RNF114: variants seen among roughly 807,000 people sequenced by gnomAD.
The protein encoded by RNF114 is E3 ubiquitin-protein ligase RNF114.
RNF114 carries 6 observed loss-of-function variants against 28.4 expected under a neutral mutation model. The observed-to-expected ratio is 0.21, with a 90% CI of 0.12 to 0.42. RNF114 has a LOEUF of 0.42. Ranked by LOEUF, RNF114 falls within the 10% of genes least tolerant of loss-of-function variation. The pLI, the probability that RNF114 is intolerant of heterozygous loss-of-function variation, is 1.00. For synonymous variants in RNF114, 115 were observed against 116.7 expected, an observed-to-expected ratio of 0.99 and a Z score of 0.09; for missense variants, 249 against 311.7, an observed-to-expected ratio of 0.80 and a Z score of 1.51.
chr20:49,941,332 A>G (rs974404303), intron 1 of RNF114: 1 of 460,912 alleles, frequency 2.2e-6, no homozygotes, highest in Non-Finnish European at 3.8e-6. Context: ...TAACACCTTC[A>G]CTGTGTCTAT....
chr20:49,945,832 A>T (rs2090328524), intron 3 of RNF114, among the ~76,000 whole-genome samples: 1 of 152,034 alleles, frequency 6.6e-6, no homozygotes, highest in African/African-American at 2.4e-5. Context: ...TGCCTGGCTA[A>T]ATTTTGTATT....
At chr20:49,947,768 AGTTTTTTTTTTTTT>A (rs2090338748) in intron 4 of RNF114, among the ~76,000 whole-genome samples, 2 of 80,070 alleles carry the variant, frequency 2.5e-5, no homozygotes, top group South Asian at 7.9e-4. Flanking sequence ...TCCCTCTGCA[AGTTTTTTTTTTTTT>A]TTTTTTTTTT....
intron 5 of RNF114, among the ~76,000 whole-genome samples, chr20:49,950,615 G>A (rs528761201): frequency 1.3e-5 from 2 of 150,236 alleles, no homozygotes; most frequent in East Asian, 2.0e-4. Context: ...CCCAAGAGAC[G>A]GAGGTTGCAG....
rs747017988 is a variant in RNF114, at chr20:49,946,226, C to A, written c.489C>A (p.Phe163Leu). 6.3e-7 allele frequency: 1 copy of A among 1,595,436 alleles called. No individual in the cohort carries two copies. Among genetic ancestry groups the A allele is most frequent in the South Asian group, 1.1e-5 (1 of 88,980 alleles). The change falls in exon 4 of 6, where the codon TTC becomes TTA. Residue 163 changes from phenylalanine to leucine, a missense_variant. Around this residue, in one of 2 missense-constraint regions of RNF114, gnomAD observed 126 missense variants for 205.3 expected, o/e 0.61. Transcript: ENST00000244061. ...GACTTGTGGAACACTGCAAATTATTCCATAGCACGGATACCAAATCTGTGG... is the reference window on the plus strand; with the variant it reads ...GACTTGTGGAACACTGCAAATTATTACATAGCACGGATACCAAATCTGTGG... ...QEGLVEHCKL[F>L]HSTDTKSVVC...
At chr20:49,945,629 G>A (rs554043010) in intron 3 of RNF114, 141 bp downstream of exon 3, 310 of 599,742 alleles carry the variant, frequency 5.2e-4, no homozygotes, top group African/African-American at 5.0e-3. Context: ...ATGCAAGGGA[G>A]GACTCTGGTG....
At chr20:49,936,587 T>TA in intron 1 of RNF114, 35 bp downstream of exon 1, 8 of 1,571,246 alleles carry the variant, frequency 5.1e-6, no homozygotes, top group Non-Finnish European at 6.9e-6. Context: ...CGGGGGGCGC[T>TA]TAACTGGGAA....
chr20:49,945,009 A>G (rs2090324012), intron 2 of RNF114: 1 of 164,532 alleles, frequency 6.1e-6, no homozygotes, highest in African/African-American at 2.4e-5. Context: ...TCTGCTGCAC[A>G]TAACAGAATG....
At chr20:49,937,789 G>A (rs1006877394) in intron 1 of RNF114, among the ~76,000 whole-genome samples, 1 of 151,912 alleles carries the variant, frequency 6.6e-6, no homozygotes, top group Non-Finnish European at 1.5e-5. Flanking sequence ...TCCTTTCTGG[G>A]ACTTAACTTC....
intron 2 of RNF114, 141 bp downstream of exon 2, chr20:49,941,852 G>T: frequency 2.5e-6 from 2 of 792,190 alleles, no homozygotes; most frequent in Non-Finnish European, 3.9e-6. Flanking sequence ...TGTGGTGATG[G>T]CTGGGCTGGT....
intron 3 of RNF114, among the ~76,000 whole-genome samples, 157 bp from the exon 4 acceptor site, chr20:49,945,979 T>C (rs950957758): frequency 6.6e-6 from 1 of 152,226 alleles, no homozygotes; most frequent in Non-Finnish European, 1.5e-5. Context: ...TGAGCTGTTA[T>C]TTTCACAACA....
At position 49,953,619 on chromosome 20, in the gene RNF114, C is replaced by T. The variant is rs1337567997; in HGVS notation, c.*1478C>T. 6.6e-6 allele frequency: 1 copy of T among 152,146 alleles called. No individual in the cohort carries two copies. The highest frequency in any genetic ancestry group is 1.5e-5 in the Non-Finnish European group (1 of 68,016). The allele number at this position is 152,146 out of a possible 1,614,324, so 9.4% of individuals were successfully genotyped here. ...GGGAGGACCCAAAAGTTAAGGTCAG[C>T]TTGTTCACTGTAATTTCTGGAAGAA... On this transcript the variant is annotated 3_prime_UTR_variant, in exon 6 of 6. Coordinates refer to ENST00000244061, the MANE Select transcript of RNF114 (RefSeq NM_018683.4).
At chr20:49,949,199 G>C (rs1202772558) in intron 4 of RNF114, 49 bp from the exon 5 acceptor site, 2 of 1,495,116 alleles carry the variant, frequency 1.3e-6, no homozygotes, top group South Asian at 1.1e-5. Context: ...CAGAGGGCTG[G>C]TGCAAGCTTG....
rs1216834839 is a variant in RNF114 at position 49,950,690 on chromosome 20, A to AAC, written c.621+1336_621+1337insCA. ...AGAATGAGACCCTGTCTCAAAAAAA[A>AAC]AAAAAAAAAACAAAACACACACACA... On this transcript the variant is annotated intron_variant, in intron 5 of 5. Coordinates refer to ENST00000244061, the MANE Select transcript of RNF114 (RefSeq NM_018683.4). Among the ~76,000 whole-genome samples, 4 of 150,478 alleles carry AAC rather than the reference A, an allele frequency of 2.7e-5. No individual in the cohort carries two copies. The East Asian group carries it at 8.9e-4, about 33-fold the overall frequency.
chr20:49,936,662 C>G, intron 1 of RNF114, 110 bp downstream of exon 1: 1 of 1,367,242 alleles, frequency 7.3e-7, no homozygotes, highest in Non-Finnish European at 9.7e-7. Flanking sequence ...CCAGAGGGGC[C>G]TCCCGGGGGT....
At chr20:49,951,879 TA>T (rs930014976) in intron 5 of RNF114, among the ~76,000 whole-genome samples, 196 bp from the exon 6 acceptor site, 6 of 150,018 alleles carry the variant, frequency 4.0e-5, no homozygotes, top group East Asian at 3.9e-4. Flanking sequence ...CTCCATCAAA[TA>T]AAAAAAAAGA....
chr20:49,938,539 C>G (rs2090295914), intron 1 of RNF114, among the ~76,000 whole-genome samples: 1 of 152,178 alleles, frequency 6.6e-6, no homozygotes, highest in South Asian at 2.1e-4. Flanking sequence ...TTATTTCAAG[C>G]CCTGAATGAC....
chr20:49,952,088 G>C lies in RNF114; in HGVS notation c.634G>C (p.Asp212His). 6.2e-7 allele frequency: 1 copy of C among 1,613,742 alleles called. No homozygotes were observed. Among genetic ancestry groups the C allele is most frequent in the Non-Finnish European group, 8.5e-7 (1 of 1,179,708 alleles). ...TTTTTGCCCTTAGGATTATGATGTT[G>C]ATGAAGAGGACATGATGAATCAGGT... ...SYDTFVDYDVDEEDMMNQVLQ... is the reference protein window; with the variant it reads ...SYDTFVDYDVHEEDMMNQVLQ... Residue 212 changes from aspartate (D) to histidine (H), a missense_variant, in exon 6 of 6, where the codon GAT becomes CAT. By Grantham distance (81) the Asp-to-His change is moderately conservative. This residue lies in a region of RNF114 where 126 missense variants were observed against 205.3 expected (regional missense o/e 0.61). Coordinates refer to ENST00000244061, the MANE Select transcript of RNF114 (RefSeq NM_018683.4).
intron 5 of RNF114, among the ~76,000 whole-genome samples, chr20:49,950,698 AAAC>A (rs2090352058): frequency 6.6e-6 from 1 of 151,548 alleles, no homozygotes; most frequent in Non-Finnish European, 1.5e-5. Flanking sequence ...AAAAAAAAAA[AAAC>A]AAAACACACA....
chr20:49,950,401 G>A (rs2090350898), intron 5 of RNF114, among the ~76,000 whole-genome samples: 1 of 151,750 alleles, frequency 6.6e-6, no homozygotes, highest in Non-Finnish European at 1.5e-5. Flanking sequence ...GGGGACAGGT[G>A]CGGTGCAGTG....
Sources: gnomAD v4.1 joint callset for allele counts (sites outside exome capture counted in the v4.1 genomes callset) on GRCh38, gnomAD v4.1.1 for gene constraint, gnomAD v4.1.1 regional missense constraint, MANE v1.5 for transcripts, NCBI Gene and HGNC (gene_info 2026-07-23, HGNC 2026-07-21) for gene names.